AGTPBP1: variants seen among roughly 807,000 people sequenced by gnomAD.
The protein encoded by AGTPBP1 is cytosolic carboxypeptidase 1.
A neutral mutation model predicts 143.9 loss-of-function variants in AGTPBP1; 70 were observed. The observed-to-expected ratio is 0.49, with a 90% CI of 0.40 to 0.59. The LOEUF (loss-of-function observed/expected upper bound fraction) is 0.59, where lower values mean the gene tolerates loss of function less well. Among genes scored for constraint, AGTPBP1 ranks in the 20% least tolerant of loss-of-function variants. AGTPBP1 has a pLI of 0.00. For synonymous variants in AGTPBP1, 463 were observed against 500.2 expected (o/e 0.93, Z 0.99); for missense variants, 1,229 against 1,464.5 (o/e 0.84, Z 2.62).
At chr9:85,728,211 T>C (rs566020995) in intron 1 of AGTPBP1, among the ~76,000 whole-genome samples, 78 of 152,270 alleles carry the variant, frequency 5.1e-4, no homozygotes, top group Non-Finnish European at 8.5e-4. Flanking sequence ...CTTGCTGATA[T>C]AGGAGAAAAA....
At position 85,558,621 on chromosome 9, in the gene AGTPBP1, T is replaced by C. The variant is rs534540346; in HGVS notation, c.3504-11335A>G. Reference sequence around the variant, plus strand: ...GCTATCTTTCAACTTCACTTACCTATAATTTTTTTTGAGCCAAGGTCTCAT... The same window carrying C: ...GCTATCTTTCAACTTCACTTACCTACAATTTTTTTTGAGCCAAGGTCTCAT... On this transcript the variant is annotated intron_variant, in intron 25 of 25. Coordinates refer to ENST00000357081, the MANE Select transcript of AGTPBP1 (RefSeq NM_001330701.2). Among the ~76,000 whole-genome samples the C allele has an allele frequency of 6.6e-5, 10 of 152,318 alleles. No individual in the cohort carries two copies. In the South Asian group the frequency reaches 1.7e-3, roughly 25 times the overall value.
intron 14 of AGTPBP1, among the ~76,000 whole-genome samples, chr9:85,628,022 A>C (rs1831410932): frequency 6.6e-6 from 1 of 152,246 alleles, no homozygotes; most frequent in Non-Finnish European, 1.5e-5. Flanking sequence ...TCAAGGGTTA[A>C]CTATATTTGC....
intron 2 of AGTPBP1, among the ~76,000 whole-genome samples, chr9:85,703,410 A>C (rs1204344404): frequency 1.3e-5 from 2 of 152,248 alleles, no homozygotes; most frequent in East Asian, 3.8e-4. Context: ...TTAGAAACAG[A>C]TGATAAAAGC....
At chr9:85,778,318 A>G in the AGTPBP1 span, among the ~76,000 whole-genome samples, 4 of 152,222 alleles carry the variant, frequency 2.6e-5, no homozygotes, top group African/African-American at 9.6e-5. Flanking sequence ...GCCCAGTAAC[A>G]GGCCAAGAGC....
At chr9:85,638,223 G>A (rs1457299941) in intron 13 of AGTPBP1, among the ~76,000 whole-genome samples, 1 of 152,052 alleles carries the variant, frequency 6.6e-6, no homozygotes, top group African/African-American at 2.4e-5. Flanking sequence ...GAAAGGTCCT[G>A]ATTTACTTTA....
intron 8 of AGTPBP1, among the ~76,000 whole-genome samples, chr9:85,661,632 A>G (rs1833862397): frequency 6.6e-6 from 1 of 152,138 alleles, no homozygotes; most frequent in African/African-American, 2.4e-5. Flanking sequence ...GAAAGTATTT[A>G]AATTGTATTT....
At chr9:85,715,466 T>C (rs1039584176) in intron 1 of AGTPBP1, among the ~76,000 whole-genome samples, 1 of 152,118 alleles carries the variant, frequency 6.6e-6, no homozygotes, top group African/African-American at 2.4e-5. Context: ...ACTAAAACTT[T>C]GGAACTGCAA....
intron 1 of AGTPBP1, among the ~76,000 whole-genome samples, chr9:85,717,854 G>A (rs912142611): frequency 1.3e-5 from 2 of 151,786 alleles, no homozygotes; most frequent in African/African-American, 2.4e-5. Flanking sequence ...ACAGGCCGTG[G>A]AGTGTGATGT....
chr9:85,768,867 T>G, the AGTPBP1 span, among the ~76,000 whole-genome samples: 60,307 of 148,736 alleles, frequency 0.41, 14,246 homozygotes, highest in African/African-American at 0.65. Flanking sequence ...TGGCCAATGT[T>G]GCAAAACCCC....
upstream of AGTPBP1, chr9:85,742,131 C>T (rs1824371891): frequency 1.2e-6 from 1 of 858,976 alleles, no homozygotes. Context: ...TGCGCCCCGC[C>T]TCTCTGCGCG....
At chr9:85,780,621 G>A in the AGTPBP1 span, among the ~76,000 whole-genome samples, 1 of 151,438 alleles carries the variant, frequency 6.6e-6, no homozygotes, top group Admixed American at 6.6e-5. Context: ...AGGTCTAGTT[G>A]GTAGCTACTG....
At chr9:85,781,270 G>A in the AGTPBP1 span, 3 of 1,557,536 alleles carry the variant, frequency 1.9e-6, no homozygotes, top group South Asian at 3.7e-5. Context: ...GTTGGAAAAA[G>A]ATCTTTATTT....
chr9:85,773,980 C>T, the AGTPBP1 span: 1 of 1,610,860 alleles, frequency 6.2e-7, no homozygotes, highest in African/African-American at 1.3e-5. Context: ...CGGAGACTGA[C>T]CCTCCAGCAA....
At chr9:85,592,457 C>A in intron 19 of AGTPBP1, 103 bp downstream of exon 19, 1 of 768,460 alleles carries the variant, frequency 1.3e-6, no homozygotes, top group Non-Finnish European at 1.9e-6. Flanking sequence ...TAACTAAACT[C>A]AATTATTATC....
the AGTPBP1 span, among the ~76,000 whole-genome samples, chr9:85,805,189 G>A: frequency 0.21 from 31,711 of 148,602 alleles, 4,362 homozygotes; most frequent in South Asian, 0.45. Flanking sequence ...TCACGTCACC[G>A]GCGAACCTCT....
intron 24 of AGTPBP1, among the ~76,000 whole-genome samples, chr9:85,577,370 A>G (rs1271209906): frequency 6.6e-6 from 1 of 152,186 alleles, no homozygotes. Context: ...CCTAGAAATC[A>G]CCTATATTCT....
At chr9:85,787,430 T>A in the AGTPBP1 span, among the ~76,000 whole-genome samples, 1 of 152,098 alleles carries the variant, frequency 6.6e-6, no homozygotes, top group Non-Finnish European at 1.5e-5. Context: ...TGCTAAAGCA[T>A]CTTTAATGAT....
intron 1 of AGTPBP1, among the ~76,000 whole-genome samples, chr9:85,730,144 G>C (rs1472904052): frequency 6.6e-6 from 1 of 152,160 alleles, no homozygotes; most frequent in Non-Finnish European, 1.5e-5. Context: ...TAACTCTCTT[G>C]GTTTCCCAGT....
chr9:85,662,900 T>C (rs1833927714), intron 8 of AGTPBP1, among the ~76,000 whole-genome samples: 1 of 151,970 alleles, frequency 6.6e-6, no homozygotes, highest in Non-Finnish European at 1.5e-5. Context: ...ATGGACAAAA[T>C]GGAATGGCTG....
Sources: allele counts gnomAD v4.1 joint callset (sites outside exome capture counted in the v4.1 genomes callset), GRCh38; gene constraint gnomAD v4.1.1; transcripts MANE v1.5; gene names NCBI Gene and HGNC (gene_info 2026-07-23, HGNC 2026-07-21).